ARSB: variants seen among roughly 807,000 people sequenced by gnomAD.
The protein encoded by ARSB is N-acetylgalactosamine-4-sulfatase.
In ARSB, 41 loss-of-function variants were observed where a neutral mutation model predicts 50.9. The ratio of observed to expected loss-of-function variants is 0.81; its 90% CI spans 0.63 to 1.04. The LOEUF is 1.04. Ranked by LOEUF, ARSB falls within the 50% of genes least tolerant of loss-of-function variation. ARSB has a pLI of 0.00. For missense variants in ARSB, 672 were observed against 693.3 expected (o/e 0.97, Z 0.35); for synonymous variants, 269 against 284.8 (o/e 0.94, Z 0.56).
chr5:78,793,909 G>A (rs1327363344), intron 6 of ARSB, among the ~76,000 whole-genome samples: 3 of 151,792 alleles, frequency 2.0e-5, no homozygotes, highest in East Asian at 1.9e-4. Flanking sequence ...TTTTTGAGGC[G>A]ATGAGGCAAG....
At chr5:78,930,977 G>A (rs180844874) in intron 4 of ARSB, among the ~76,000 whole-genome samples, 1 of 152,284 alleles carries the variant, frequency 6.6e-6, no homozygotes, top group African/African-American at 2.4e-5. Context: ...TTCCTCAGCT[G>A]ACTAAGCCAG....
At chr5:78,859,233 T>C (rs1399153054) in intron 5 of ARSB, among the ~76,000 whole-genome samples, 3 of 152,136 alleles carry the variant, frequency 2.0e-5, no homozygotes, top group African/African-American at 7.2e-5. Context: ...TGAAATTCAG[T>C]GAGGAAATAT....
In ARSB at chr5:78,777,828, G is replaced by A. The variant is rs1748811937; in HGVS notation, c.*2569C>T. ...GATCACACCACTGCACTCCAGCCTG[G>A]GTGACAGAGCGAGACTCCATCTCAA... On this transcript the variant is annotated 3_prime_UTR_variant, in exon 8 of 8. Coordinates refer to ENST00000264914, the MANE Select transcript of ARSB (RefSeq NM_000046.5). 7.1e-6 allele frequency: 1 copy of A among 140,462 alleles called. No homozygotes were observed. Among genetic ancestry groups the A allele is most frequent in the Non-Finnish European group, 1.5e-5 (1 of 66,498 alleles). 8.7% of individuals were successfully genotyped at this position (140,462 alleles called of 1,614,324 possible). A position where few individuals can be genotyped will look rare whatever the true frequency, so the allele number is the denominator to read the frequency against.
rs368030435 is a variant in ARSB, at chr5:78,841,168, C to CTACTACTACTACTACTACTACTACTAA, written c.1143-1743_1143-1742insTTAGTAGTAGTAGTAGTAGTAGTAGTA. The stretch of plus-strand genomic sequence containing the variant: ...ACTACTACTACTACTACTACTACTA[C>CTACTACTACTACTACTACTACTACTAA]TAATAATAATAATAATTTGAGCATG... On this transcript the variant is annotated intron_variant, in intron 5 of 7. Coordinates refer to ENST00000264914, the MANE Select transcript of ARSB (RefSeq NM_000046.5). Among the ~76,000 whole-genome samples, 449 of 132,000 alleles carry CTACTACTACTACTACTACTACTACTAA rather than the reference C, an allele frequency of 3.4e-3. 4 individuals carry two copies. The highest frequency in any genetic ancestry group is 0.011 in the African/African-American group (375 of 35,050). 86.6% of individuals were successfully genotyped at this position (132,000 alleles called of 152,430 possible).
At chr5:78,932,572 G>C (rs1010076207) in intron 4 of ARSB, among the ~76,000 whole-genome samples, 3 of 152,208 alleles carry the variant, frequency 2.0e-5, no homozygotes, top group African/African-American at 7.2e-5. Flanking sequence ...TACTGACACA[G>C]TGATTATAAG....
intron 5 of ARSB, among the ~76,000 whole-genome samples, chr5:78,859,660 A>G (rs992015375): frequency 1.3e-5 from 2 of 152,156 alleles, no homozygotes; most frequent in African/African-American, 4.8e-5. Flanking sequence ...AAAGTAGAAG[A>G]AGATGGATTT....
chr5:78,829,370 AAT>A (rs1263096698), intron 6 of ARSB, among the ~76,000 whole-genome samples: 3 of 152,236 alleles, frequency 2.0e-5, no homozygotes, highest in African/African-American at 7.2e-5. Flanking sequence ...GTAATGGACA[AAT>A]TTAAAGATAT....
intron 5 of ARSB, among the ~76,000 whole-genome samples, chr5:78,870,986 T>C (rs1164685234): frequency 9.9e-5 from 15 of 151,694 alleles, no homozygotes; most frequent in Admixed American, 9.2e-4. Flanking sequence ...ACAAAATCAA[T>C]ATACAAAAAT....
chr5:78,930,478 C>T (rs562379289), intron 4 of ARSB, among the ~76,000 whole-genome samples: 14 of 152,002 alleles, frequency 9.2e-5, no homozygotes, highest in African/African-American at 1.7e-4. Context: ...TGAATAGTCA[C>T]GGTAGGAGAG....
intron 5 of ARSB, among the ~76,000 whole-genome samples, chr5:78,851,848 T>A (rs1004016445): frequency 4.6e-4 from 70 of 152,284 alleles, no homozygotes; most frequent in Middle Eastern, 6.8e-3. Flanking sequence ...CTTTGTTGGT[T>A]TAAAGTCTGT....
At chr5:78,911,221 A>G (rs1324538367) in intron 4 of ARSB, among the ~76,000 whole-genome samples, 1 of 152,118 alleles carries the variant, frequency 6.6e-6, no homozygotes, top group African/African-American at 2.4e-5. Context: ...TGACTCAAGG[A>G]TGAAAAGGTA....
chr5:78,878,142 C>T (rs1747576124), intron 5 of ARSB, among the ~76,000 whole-genome samples: 2 of 151,730 alleles, frequency 1.3e-5, no homozygotes, highest in African/African-American at 4.8e-5. Context: ...TTTAAGTGTC[C>T]AAGTGAAAAG....
chr5:78,865,110 A>AGTAG (rs1746650995), intron 5 of ARSB, among the ~76,000 whole-genome samples: 1 of 151,838 alleles, frequency 6.6e-6, no homozygotes, highest in African/African-American at 2.4e-5. Flanking sequence ...CAGCTCCACT[A>AGTAG]GGACTCCGTA....
intron 6 of ARSB, among the ~76,000 whole-genome samples, chr5:78,830,688 T>A (rs1418334216): frequency 1.3e-5 from 2 of 152,118 alleles, no homozygotes; most frequent in Non-Finnish European, 2.9e-5. Flanking sequence ...AAAGGCCACA[T>A]TTCCAAACAG....
At chr5:78,908,424 A>G (rs1749161352) in intron 4 of ARSB, among the ~76,000 whole-genome samples, 1 of 152,214 alleles carries the variant, frequency 6.6e-6, no homozygotes, top group South Asian at 2.1e-4. Context: ...AAAAGGCTCA[A>G]CAGGAACAAT....
chr5:78,938,824 G>A (rs1750753278), intron 4 of ARSB, among the ~76,000 whole-genome samples: 1 of 152,152 alleles, frequency 6.6e-6, no homozygotes, highest in Non-Finnish European at 1.5e-5. Flanking sequence ...GATAATAAGT[G>A]CTAAAAGTTT....
Position 78,938,219 on chromosome 5 carries a change from C to T in ARSB, c.898+17076G>A, listed in dbSNP as rs889345604. On this transcript the variant is annotated intron_variant, in intron 4 of 7. Coordinates refer to ENST00000264914, the MANE Select transcript of ARSB (RefSeq NM_000046.5). ...CTGCTTTGTAACTCAGCCAGGGACA[C>T]CAAATCAGCATGGCTGTTCAGTAAA... Among the ~76,000 whole-genome samples the T allele has an allele frequency of 2.6e-5, 4 of 152,170 alleles. No individual in the cohort carries two copies. In the East Asian group the frequency reaches 5.8e-4, roughly 22 times the overall value.
rs1247117898 is a variant in ARSB at position 78,985,002 on chromosome 5, C to G, written c.247G>C (p.Asp83His). 9.1e-6 allele frequency: 14 copies of G among 1,539,360 alleles called. No homozygotes were observed. The Middle Eastern group carries it at 9.6e-4, about 106-fold the overall frequency. ...CACAGCGGCTGCGTGTAGTAGTTGT[C>G]CAGGAGCACCCCGCCGGCCGCCAGC... ...DALAAGGVLLDNYYTQPLCTP... is the reference protein window; with the variant it reads ...DALAAGGVLLHNYYTQPLCTP... Residue 83 changes from aspartate (D) to histidine (H), a missense_variant, in exon 1 of 8, where the codon GAC becomes CAC. Transcript: ENST00000264914.
chr5:78,870,580 T>C (rs370663428), intron 5 of ARSB, among the ~76,000 whole-genome samples: 18,418 of 150,156 alleles, frequency 0.12, 1,316 homozygotes, highest in Middle Eastern at 0.21. Flanking sequence ...ATTATCTCAA[T>C]AGATGCAGAA....
Sources: gnomAD v4.1 joint callset for allele counts (sites outside exome capture counted in the v4.1 genomes callset) on GRCh38, gnomAD v4.1.1 for gene constraint, MANE v1.5 for transcripts, NCBI Gene and HGNC (gene_info 2026-07-23, HGNC 2026-07-21) for gene names.